SPON1: variants seen among roughly 807,000 people sequenced by gnomAD.
SPON1 encodes the protein spondin 1.
A neutral mutation model predicts 111.7 loss-of-function variants in SPON1; 52 were observed. That is an observed-to-expected ratio of 0.47 (90% CI 0.37 to 0.59). The LOEUF is 0.59. Among genes scored for constraint, SPON1 ranks in the 20% least tolerant of loss-of-function variants. SPON1 has a pLI of 0.00. For synonymous variants in SPON1, 410 were observed against 395.8 expected, an observed-to-expected ratio of 1.04 and a Z score of -0.43; for missense variants, 957 against 1,068.5, an observed-to-expected ratio of 0.90 and a Z score of 1.46.
intron 2 of SPON1, among the ~76,000 whole-genome samples, chr11:14,001,941 C>A: frequency 6.6e-6 from 1 of 152,040 alleles, no homozygotes; most frequent in East Asian, 1.9e-4. Flanking sequence ...AAATGGTAGT[C>A]ATAATTACTA....
intron 6 of SPON1, among the ~76,000 whole-genome samples, chr11:14,182,623 A>G (rs1848245916): frequency 6.6e-6 from 1 of 152,172 alleles, no homozygotes; most frequent in South Asian, 2.1e-4. Flanking sequence ...ACCAACCTGA[A>G]GAGGCAAATG....
intron 6 of SPON1, among the ~76,000 whole-genome samples, chr11:14,160,443 T>A (rs1195880448): frequency 7.2e-4 from 12 of 16,708 alleles, no homozygotes; most frequent in South Asian, 1.9e-3. Context: ...ATATATATAT[T>A]TATATATATA....
At chr11:14,234,853 C>T (rs991948266) in intron 6 of SPON1, among the ~76,000 whole-genome samples, 10 of 152,262 alleles carry the variant, frequency 6.6e-5, no homozygotes, top group South Asian at 4.1e-4. Context: ...TCTGTGCAAA[C>T]GCATCATCTT....
At chr11:14,158,774 A>G (rs1344889208) in intron 6 of SPON1, among the ~76,000 whole-genome samples, 1 of 152,110 alleles carries the variant, frequency 6.6e-6, no homozygotes, top group Non-Finnish European at 1.5e-5. Context: ...TGTTGGCCTC[A>G]TATAAGCTCG....
At chr11:14,191,499 G>A (rs144874015) in intron 6 of SPON1, among the ~76,000 whole-genome samples, 12 of 152,256 alleles carry the variant, frequency 7.9e-5, no homozygotes, top group East Asian at 1.9e-4. Context: ...CTTCATGAAC[G>A]TTCAGGACCC....
chr11:13,996,073 C>T (rs1043876680), intron 2 of SPON1, among the ~76,000 whole-genome samples: 5 of 151,838 alleles, frequency 3.3e-5, no homozygotes, highest in African/African-American at 1.2e-4. Context: ...TCTATTTTTG[C>T]CTCACACCTC....
intron 3 of SPON1, among the ~76,000 whole-genome samples, chr11:14,064,435 AG>A (rs1848816720): frequency 6.6e-6 from 1 of 152,200 alleles, no homozygotes; most frequent in South Asian, 2.1e-4. Flanking sequence ...CGAGGCAGAG[AG>A]GAGGGTAGAA....
intron 6 of SPON1, among the ~76,000 whole-genome samples, chr11:14,141,378 C>A (rs1591386985): frequency 6.6e-6 from 1 of 152,180 alleles, no homozygotes; most frequent in South Asian, 2.1e-4. Flanking sequence ...TGATGACAAG[C>A]AAGCCATGAA....
intron 5 of SPON1, among the ~76,000 whole-genome samples, chr11:14,103,095 C>T (rs1554924552): frequency 2.0e-5 from 3 of 152,062 alleles, no homozygotes; most frequent in African/African-American, 2.4e-5. Context: ...AGGTGGTGCC[C>T]CTTCTGGTGT....
chr11:14,161,050 T>C (rs1554931170), intron 6 of SPON1, among the ~76,000 whole-genome samples: 1 of 73,386 alleles, frequency 1.4e-5, no homozygotes, highest in African/African-American at 5.5e-5. Context: ...TATATATTTA[T>C]ATATATTTAT....
chr11:14,026,504 A>AG (rs1348666328), intron 2 of SPON1, among the ~76,000 whole-genome samples: 1 of 152,238 alleles, frequency 6.6e-6, no homozygotes, highest in Non-Finnish European at 1.5e-5. Flanking sequence ...TAAAGAAGGA[A>AG]GATATTCAGT....
At chr11:14,239,363 A>G (rs1011013204) in intron 6 of SPON1, among the ~76,000 whole-genome samples, 3 of 152,236 alleles carry the variant, frequency 2.0e-5, no homozygotes, top group African/African-American at 7.2e-5. Context: ...TAACAAGCAC[A>G]TGCAGAAGAT....
At chr11:13,996,119 T>C (rs1365026165) in intron 2 of SPON1, among the ~76,000 whole-genome samples, 2 of 152,170 alleles carry the variant, frequency 1.3e-5, no homozygotes, top group East Asian at 3.9e-4. Flanking sequence ...TGTTTTACTA[T>C]ATCTTCTTTA....
chr11:13,977,451 A>G (rs1423958309), intron 1 of SPON1, among the ~76,000 whole-genome samples: 1 of 152,096 alleles, frequency 6.6e-6, no homozygotes, highest in Non-Finnish European at 1.5e-5. Context: ...GCCTTTGCAT[A>G]TGTTTATTGG....
chr11:13,987,047 A>G (rs1338795429), intron 2 of SPON1, among the ~76,000 whole-genome samples: 2 of 152,250 alleles, frequency 1.3e-5, no homozygotes, highest in Admixed American at 6.5e-5. Flanking sequence ...TCCTTATAGT[A>G]TAATGATTTA....
intron 5 of SPON1, among the ~76,000 whole-genome samples, chr11:14,116,543 G>A (rs1254371533): frequency 4.6e-5 from 7 of 151,936 alleles, no homozygotes; most frequent in Non-Finnish European, 1.0e-4. Context: ...TACATCTGTG[G>A]GTCTGTTTCA....
chr11:13,970,919 G>C (rs1848058448), intron 1 of SPON1, among the ~76,000 whole-genome samples: 1 of 152,196 alleles, frequency 6.6e-6, no homozygotes, highest in Non-Finnish European at 1.5e-5. Flanking sequence ...CAAAGACTTT[G>C]TCTTTCTTAT....
intron 6 of SPON1, among the ~76,000 whole-genome samples, chr11:14,235,678 C>CAAAAAAAAAAAAAAAAAAAAAAA (rs56925967): frequency 1.4e-5 from 1 of 71,390 alleles, no homozygotes; most frequent in African/African-American, 5.6e-5. Flanking sequence ...GACCCTGCCT[C>CAAAAAAAAAAAAAAAAAAAAAAA]AAAAAAAAAA....
chr11:14,266,432 TCA>T lies in SPON1; in HGVS notation c.*746_*747del, dbSNP rs1849270161. 1 of 152,136 alleles carries T rather than the reference TCA, an allele frequency of 6.6e-6. No individual in the cohort carries two copies. Among genetic ancestry groups the T allele is most frequent in the African/African-American group, 2.4e-5 (1 of 41,398 alleles). 9.4% of individuals were successfully genotyped at this position (152,136 alleles called of 1,614,324 possible). A position where few individuals can be genotyped will look rare whatever the true frequency, so the allele number is the denominator to read the frequency against. On this transcript the variant is annotated 3_prime_UTR_variant, in exon 16 of 16. Transcript: ENST00000576479. ...GTATTTTTCCCTTGCTTTTGGGGGT[TCA>T]GAGGAGTATGTACAATTCTTCTGGG...
Sources: gnomAD v4.1 joint callset for allele counts (sites outside exome capture counted in the v4.1 genomes callset) on GRCh38, gnomAD v4.1.1 for gene constraint, MANE v1.5 for transcripts, NCBI Gene and HGNC (gene_info 2026-07-23, HGNC 2026-07-21) for gene names.